MGAT5B: variants seen among roughly 807,000 people sequenced by gnomAD.
MGAT5B encodes alpha-1,6-mannosylglycoprotein 6-beta-N-acetylglucosaminyltransferase B.
In MGAT5B, 54 loss-of-function variants were observed where a neutral mutation model predicts 95.1. The observed-to-expected ratio is 0.57, with a 90% CI of 0.46 to 0.71. The LOEUF (loss-of-function observed/expected upper bound fraction) is 0.71, where lower values mean the gene tolerates loss of function less well. MGAT5B is among the 30% of genes least tolerant of loss of function. The pLI is 0.00. For synonymous variants in MGAT5B, 464 were observed against 451.0 expected (o/e 1.03, Z -0.36); for missense variants, 935 against 1,088.6 (o/e 0.86, Z 1.99).
At position 76,940,387 on chromosome 17, in the gene MGAT5B, C is replaced by G. The variant is rs1240980736; in HGVS notation, c.1585-15C>G. 3.1e-6 allele frequency: 5 copies of G among 1,588,286 alleles called. No individual in the cohort carries two copies. Among genetic ancestry groups the G allele is most frequent in the Non-Finnish European group, 4.3e-6 (5 of 1,166,266 alleles). ...GCCCAGCCCTCCCTGATCACTGCGCCCCTTGACTCTGCAGCTCTTCATCGG... is the reference window on the plus strand; with the variant it reads ...GCCCAGCCCTCCCTGATCACTGCGCGCCTTGACTCTGCAGCTCTTCATCGG... On this transcript the variant is annotated splice_polypyrimidine_tract_variant and intron_variant, in intron 13 of 17. Transcript: ENST00000569840. The surrounding 1 kb of genome is among the most constrained non-coding windows in gnomAD (Gnocchi z 4.3).
At position 76,906,725 on chromosome 17, in the gene MGAT5B, G is replaced by A. The variant is rs1222460862; in HGVS notation, c.1025+538G>A. Among the ~76,000 whole-genome samples the A allele has an allele frequency of 1.3e-5, 2 of 152,104 alleles. No homozygotes were observed. Among genetic ancestry groups the A allele is most frequent in the Non-Finnish European group, 2.9e-5 (2 of 68,008 alleles). ...ATTAGAGGCTCCCCTGAGTGTTTGA[G>A]GGTAGGATGGGGGTGAGGCTGAGAG... On this transcript the variant is annotated intron_variant, in intron 8 of 17. Transcript: ENST00000569840. This position sits in a 1 kb window ranked among gnomAD's most constrained non-coding sequence, Gnocchi z 4.6.
intron 3 of MGAT5B, among the ~76,000 whole-genome samples, chr17:76,885,919 T>G (rs1967613206): frequency 6.7e-6 from 1 of 150,138 alleles, no homozygotes; most frequent in Non-Finnish European, 1.5e-5. Flanking sequence ...GTGCCTGCAC[T>G]TGGATTCCCC....
In MGAT5B at chr17:76,872,952, T is replaced by A; in HGVS notation, c.170T>A (p.Ile57Asn). 6.2e-7 allele frequency: 1 copy of A among 1,613,926 alleles called. No individual in the cohort carries two copies. Among genetic ancestry groups the A allele is most frequent in the Non-Finnish European group, 8.5e-7 (1 of 1,180,028 alleles). The part of the protein sequence containing the change: ...ARRLGDSPFT[I>N]RTEVMGGPES... ...CGCCTGGGGGACTCGCCATTCACCA[T>A]CCGCACAGAAGGTACCTTGGTGGGG... Residue 57 changes from isoleucine to asparagine, a missense_variant, in exon 2 of 18, where the codon ATC becomes AAC. By Grantham distance (149) the Ile-to-Asn change is moderately radical. This residue lies in a region of MGAT5B where 243 missense variants were observed against 228.2 expected (regional missense o/e 1.06). Coordinates refer to ENST00000569840, the MANE Select transcript of MGAT5B (RefSeq NM_001199172.2).
At chr17:76,908,941 G>A (rs1157886002) in intron 8 of MGAT5B, among the ~76,000 whole-genome samples, 1 of 151,764 alleles carries the variant, frequency 6.6e-6, no homozygotes, top group East Asian at 1.9e-4. Context: ...CGAGTAGCTG[G>A]GATTACAGGC....
rs1166412080 is a variant in MGAT5B at position 76,940,711 on chromosome 17, C to T, written c.1732-21C>T. 1.2e-6 allele frequency: 2 copies of T among 1,612,236 alleles called. No homozygotes were observed. The highest frequency in any genetic ancestry group is 1.7e-6 in the Non-Finnish European group (2 of 1,178,516). On this transcript the variant is annotated intron_variant, in intron 14 of 17. Coordinates refer to ENST00000569840, the MANE Select transcript of MGAT5B (RefSeq NM_001199172.2). This position sits in a 1 kb window ranked among gnomAD's most constrained non-coding sequence, Gnocchi z 4.3. Reference sequence around the variant, plus strand: ...CACTGGCAGGCACGGGGGGCATCTGCAATCTCTGTACCCTTGCCAGGTGTT... The same window carrying T: ...CACTGGCAGGCACGGGGGGCATCTGTAATCTCTGTACCCTTGCCAGGTGTT...
At chr17:76,907,719 A>C (rs1381400436) in intron 8 of MGAT5B, among the ~76,000 whole-genome samples, 2 of 152,158 alleles carry the variant, frequency 1.3e-5, no homozygotes, top group Admixed American at 1.3e-4. Context: ...CTGGGTATAG[A>C]CTTAGATGCA....
Position 76,906,443 on chromosome 17 carries a change from G to T in MGAT5B, c.1025+256G>T, listed in dbSNP as rs527891238. On this transcript the variant is annotated intron_variant, in intron 8 of 17. Coordinates refer to ENST00000569840, the MANE Select transcript of MGAT5B (RefSeq NM_001199172.2). The surrounding 1 kb of genome is among the most constrained non-coding windows in gnomAD (Gnocchi z 4.6). ...TGGCCAGGGCCTGGCTCCTTCTCTG[G>T]TGTTTCTGCTCAGGGGCTGACACGT... Among the ~76,000 whole-genome samples the T allele has an allele frequency of 1.2e-4, 19 of 152,364 alleles. No homozygotes were observed. Among genetic ancestry groups the T allele is most frequent in the South Asian group, 4.1e-4 (2 of 4,832 alleles).
chr17:76,879,909 G>C (rs780964872), intron 2 of MGAT5B, among the ~76,000 whole-genome samples: 1 of 152,234 alleles, frequency 6.6e-6, no homozygotes, highest in African/African-American at 2.4e-5. Flanking sequence ...GGCTCACCAG[G>C]GCTGCCCAGA....
intron 10 of MGAT5B, among the ~76,000 whole-genome samples, chr17:76,927,707 G>A (rs563201744): frequency 3.7e-4 from 56 of 152,334 alleles, no homozygotes; most frequent in Middle Eastern, 3.4e-3. Context: ...GCGGAGCTGC[G>A]TCCCCTCCTC....
chr17:76,889,889 A>C lies in MGAT5B; in HGVS notation c.329+7591A>C, dbSNP rs558094449. Among the ~76,000 whole-genome samples, 1 of 152,256 alleles carries C rather than the reference A, an allele frequency of 6.6e-6. No individual in the cohort carries two copies. The highest frequency in any genetic ancestry group is 1.9e-4 in the East Asian group (1 of 5,172). On this transcript the variant is annotated intron_variant, in intron 3 of 17. Transcript: ENST00000569840. This position sits in a 1 kb window ranked among gnomAD's most constrained non-coding sequence, Gnocchi z 4.4. Reference sequence around the variant, plus strand: ...TGCAGTCCCTGCCGGGCTGGGAGGGAGGTGGGACCCTTCAGGCTGCAAGTA... The same window carrying C: ...TGCAGTCCCTGCCGGGCTGGGAGGGCGGTGGGACCCTTCAGGCTGCAAGTA...
intron 2 of MGAT5B, among the ~76,000 whole-genome samples, chr17:76,880,484 C>T (rs1157243305): frequency 6.6e-6 from 1 of 152,192 alleles, no homozygotes; most frequent in African/African-American, 2.4e-5. Context: ...AGAGCAGCCC[C>T]GGTGATGCAG....
chr17:76,880,615 C>T (rs1259704082), intron 2 of MGAT5B, among the ~76,000 whole-genome samples: 1 of 152,212 alleles, frequency 6.6e-6, no homozygotes, highest in Non-Finnish European at 1.5e-5. Flanking sequence ...CAGACGGGGC[C>T]TGTTATTCTT....
intron 4 of MGAT5B, among the ~76,000 whole-genome samples, chr17:76,902,928 C>A (rs1420533454): frequency 6.6e-6 from 1 of 152,156 alleles, no homozygotes; most frequent in African/African-American, 2.4e-5. Flanking sequence ...AGGAGTGAGG[C>A]CACCTGGGGA....
Position 76,869,830 on chromosome 17 carries a change from G to A in MGAT5B, c.68+733G>A, listed in dbSNP as rs2145102644. Among the ~76,000 whole-genome samples the A allele has an allele frequency of 6.6e-6, 1 of 152,212 alleles. No individual in the cohort carries two copies. Among genetic ancestry groups the A allele is most frequent in the East Asian group, 1.9e-4 (1 of 5,160 alleles). On this transcript the variant is annotated intron_variant, in intron 1 of 17. Transcript: ENST00000569840. The surrounding 1 kb of genome is among the most constrained non-coding windows in gnomAD (Gnocchi z 7.0). The stretch of plus-strand genomic sequence containing the variant: ...GCCAACACCTGGGGGCCCAGGCCAG[G>A]CAGGGCTGGGGCCGCGCGGGACTCA...
chr17:76,877,251 G>A (rs1265940906), intron 2 of MGAT5B, among the ~76,000 whole-genome samples: 1 of 151,774 alleles, frequency 6.6e-6, no homozygotes, highest in Non-Finnish European at 1.5e-5. Flanking sequence ...CTTGAACCAG[G>A]GAGGAGGAGG....
chr17:76,903,256 G>T (rs1555591642), intron 4 of MGAT5B, 47 bp from the exon 5 acceptor site: 1 of 1,501,900 alleles, frequency 6.7e-7, no homozygotes, highest in South Asian at 1.2e-5. Flanking sequence ...CCCTCCCTGG[G>T]CTCCTCCTTG....
At chr17:76,874,750 A>G (rs1967125332) in intron 2 of MGAT5B, among the ~76,000 whole-genome samples, 1 of 151,994 alleles carries the variant, frequency 6.6e-6, no homozygotes, top group South Asian at 2.1e-4. Flanking sequence ...GCAGGATCAG[A>G]CTCAGTGCCC....
chr17:76,905,458 AG>A lies in MGAT5B; in HGVS notation c.855+129del. Reference sequence around the variant, plus strand: ...CTTCTGAATTTGATCAGAGGGAGAGAGGGGTAGGGATGGCAGAGTCGGGATA... The same window carrying A: ...CTTCTGAATTTGATCAGAGGGAGAGAGGGTAGGGATGGCAGAGTCGGGATA... On this transcript the variant is annotated intron_variant, in intron 7 of 17. Coordinates refer to ENST00000569840, the MANE Select transcript of MGAT5B (RefSeq NM_001199172.2). This position sits in a 1 kb window ranked among gnomAD's most constrained non-coding sequence, Gnocchi z 4.2. 2.2e-6 allele frequency: 2 copies of A among 899,156 alleles called. No homozygotes were observed. The highest frequency in any genetic ancestry group is 5.5e-5 in the East Asian group (2 of 36,570). The allele number at this position is 899,156 out of a possible 1,614,324, so 55.7% of individuals were successfully genotyped here. A position where few individuals can be genotyped will look rare whatever the true frequency, so the allele number is the denominator to read the frequency against.
chr17:76,871,866 G>C (rs1485869544), intron 1 of MGAT5B, among the ~76,000 whole-genome samples: 1 of 152,234 alleles, frequency 6.6e-6, no homozygotes, highest in Non-Finnish European at 1.5e-5. Flanking sequence ...GGCTGTGCTG[G>C]TGAGCTCAGC....
Sources: allele counts gnomAD v4.1 joint callset (sites outside exome capture counted in the v4.1 genomes callset), GRCh38; gene constraint gnomAD v4.1.1; regional missense constraint gnomAD v4.1.1; non-coding constraint Gnocchi (gnomAD v3.1); transcripts MANE v1.5; gene names NCBI Gene and HGNC (gene_info 2026-07-23, HGNC 2026-07-21).